The following PLEKHG1 variants were observed in gnomAD, a reference collection of about 807,000 sequenced individuals.
PLEKHG1 encodes pleckstrin homology and RhoGEF domain containing G1.
PLEKHG1 carries 44 observed loss-of-function variants against 100.8 expected under a neutral mutation model. The ratio of observed to expected loss-of-function variants is 0.44; its 90% CI spans 0.34 to 0.56. The LOEUF (loss-of-function observed/expected upper bound fraction) is 0.56, where lower values mean the gene tolerates loss of function less well. PLEKHG1 is among the 20% of genes least tolerant of loss of function. The pLI is 0.01. For missense variants in PLEKHG1, 1,545 were observed against 1,720.9 expected (o/e 0.90, Z 1.81); for synonymous variants, 640 against 662.5 (o/e 0.97, Z 0.52).
chr6:150,645,140 C>T (rs1778439056), intron 2 of PLEKHG1, among the ~76,000 whole-genome samples: 2 of 151,918 alleles, frequency 1.3e-5, no homozygotes, highest in Admixed American at 1.3e-4. Flanking sequence ...AGCAGTTAGA[C>T]CAAAAAATAG....
chr6:150,752,604 A>G (rs1020788198), intron 2 of PLEKHG1, among the ~76,000 whole-genome samples: 2 of 152,188 alleles, frequency 1.3e-5, no homozygotes, highest in East Asian at 1.9e-4. Flanking sequence ...TCATGTTGCA[A>G]CCTGCATCAG....
chr6:150,654,527 G>A (rs1425415750), intron 3 of PLEKHG1, among the ~76,000 whole-genome samples: 1 of 152,134 alleles, frequency 6.6e-6, no homozygotes, highest in East Asian at 1.9e-4. Flanking sequence ...GCCCATCCCA[G>A]GTCAGTTGCT....
chr6:150,720,437 GA>G (rs373613258), upstream of PLEKHG1, among the ~76,000 whole-genome samples: 39 of 152,038 alleles, frequency 2.6e-4, no homozygotes, highest in African/African-American at 8.9e-4. Context: ...GTTCTCCAAA[GA>G]AATGCATGTA....
chr6:150,735,233 G>A (rs1782503444), intron 2 of PLEKHG1, among the ~76,000 whole-genome samples: 1 of 151,022 alleles, frequency 6.6e-6, no homozygotes, highest in East Asian at 2.0e-4. Context: ...TGATCCTCCT[G>A]CCTCGGCCTC....
chr6:150,803,765 A>C (rs934002197), intron 6 of PLEKHG1, among the ~76,000 whole-genome samples: 7 of 152,178 alleles, frequency 4.6e-5, no homozygotes, highest in Admixed American at 6.6e-5. Context: ...AATTTTGTAA[A>C]GATAGTTTTC....
chr6:150,721,786 T>C (rs773622102), intron 1 of PLEKHG1, among the ~76,000 whole-genome samples: 4 of 152,204 alleles, frequency 2.6e-5, no homozygotes, highest in Non-Finnish European at 5.9e-5. Context: ...GAGGCGTGGA[T>C]TGTATTCAAT....
At chr6:150,639,510 G>A (rs756996821) in intron 2 of PLEKHG1, among the ~76,000 whole-genome samples, 16 of 151,346 alleles carry the variant, frequency 1.1e-4, no homozygotes, top group South Asian at 1.0e-3. Flanking sequence ...CTGTCTAGCT[G>A]TAATTTTATG....
intron 3 of PLEKHG1, among the ~76,000 whole-genome samples, chr6:150,714,345 G>C (rs1163683959): frequency 6.6e-6 from 1 of 152,188 alleles, no homozygotes; most frequent in African/African-American, 2.4e-5. Flanking sequence ...TCAAAGAAAG[G>C]AGTGACAAAT....
chr6:150,650,178 T>C (rs934399773), intron 2 of PLEKHG1, among the ~76,000 whole-genome samples: 1 of 151,936 alleles, frequency 6.6e-6, no homozygotes, highest in African/African-American at 2.4e-5. Flanking sequence ...TCTCTTGCAC[T>C]GATGGAAAGT....
At chr6:150,693,180 C>T (rs1409140664) in intron 3 of PLEKHG1, among the ~76,000 whole-genome samples, 6 of 152,050 alleles carry the variant, frequency 3.9e-5, no homozygotes, top group Non-Finnish European at 7.4e-5. Flanking sequence ...CCCAGCTACT[C>T]GGGAGGCTGA....
chr6:150,761,507 C>A (rs1221823129), intron 2 of PLEKHG1, among the ~76,000 whole-genome samples: 4 of 151,928 alleles, frequency 2.6e-5, no homozygotes, highest in Admixed American at 2.0e-4. Context: ...GGGTTTCAGG[C>A]TGGTCTCGAA....
rs147724080 is a variant in PLEKHG1, at chr6:150,774,873, TA to T, written c.512+6139del. Among the ~76,000 whole-genome samples, 873 of 152,148 alleles carry T rather than the reference TA, an allele frequency of 5.7e-3. 5 individuals are homozygous for T. Among genetic ancestry groups the T allele is most frequent in the African/African-American group, 0.02 (822 of 41,546 alleles). On this transcript the variant is annotated intron_variant, in intron 3 of 15. Coordinates refer to ENST00000358517, the Ensembl canonical transcript of PLEKHG1. ...AAAAGAATTTTTAAAAATTCTTTTT[TA>T]AAATTAAAAAAAATTTTTTTTCAGA...
At chr6:150,839,047 C>CA (rs1307368717) in intron 15 of PLEKHG1, among the ~76,000 whole-genome samples, 2 of 152,020 alleles carry the variant, frequency 1.3e-5, no homozygotes, top group South Asian at 2.1e-4. Flanking sequence ...CTGTCTGAGA[C>CA]AAAAAAAGAA....
Position 150,774,531 on chromosome 6 carries a change from A to ATTTT in PLEKHG1, c.512+5818_512+5821dup, listed in dbSNP as rs61521577. ...TCTATTTAGGCACTGATTAGTTTGA[A>ATTTT]TTTTTTTTTTTTTTTTTTTTTTTTT... On this transcript the variant is annotated intron_variant, in intron 3 of 15. Coordinates refer to ENST00000358517, the Ensembl canonical transcript of PLEKHG1. Among the ~76,000 whole-genome samples, 595 of 87,062 alleles carry ATTTT rather than the reference A, an allele frequency of 6.8e-3. 68 individuals carry two copies. The highest frequency in any genetic ancestry group is 0.022 in the African/African-American group (577 of 26,500). 57.1% of individuals were successfully genotyped at this position (87,062 alleles called of 152,430 possible). A position where few individuals can be genotyped will look rare whatever the true frequency, so the allele number is the denominator to read the frequency against.
At chr6:150,839,483 TA>T (rs1416500503) in intron 15 of PLEKHG1, among the ~76,000 whole-genome samples, 1 of 152,204 alleles carries the variant, frequency 6.6e-6, no homozygotes, top group African/African-American at 2.4e-5. Context: ...CTGACTTTCT[TA>T]CTTTTATGAT....
chr6:150,777,824 GT>G, intron 3 of PLEKHG1, among the ~76,000 whole-genome samples: 1 of 152,358 alleles, frequency 6.6e-6, no homozygotes, highest in South Asian at 2.1e-4. Flanking sequence ...TGCAATCCTG[GT>G]GCACATGTGC....
chr6:150,702,197 C>T (rs148425578), intron 3 of PLEKHG1, among the ~76,000 whole-genome samples: 6,513 of 152,244 alleles, frequency 0.043, 441 homozygotes, highest in African/African-American at 0.15. Context: ...GTAGGCTGGG[C>T]GCAGTGGCTC....
chr6:150,680,049 T>G (rs559229190), intron 3 of PLEKHG1, among the ~76,000 whole-genome samples: 1 of 152,154 alleles, frequency 6.6e-6, no homozygotes, highest in Non-Finnish European at 1.5e-5. Flanking sequence ...ACATACAGGT[T>G]GTGATCCTTA....
At chr6:150,798,584 C>A (rs1286076662) in intron 5 of PLEKHG1, among the ~76,000 whole-genome samples, 1 of 152,148 alleles carries the variant, frequency 6.6e-6, no homozygotes, top group Non-Finnish European at 1.5e-5. Context: ...GCAAACAATA[C>A]CCTTGCCTTC....
Sources: allele counts gnomAD v4.1 joint callset (sites outside exome capture counted in the v4.1 genomes callset), GRCh38; gene constraint gnomAD v4.1.1; transcripts MANE v1.5; gene names NCBI Gene and HGNC (gene_info 2026-07-23, HGNC 2026-07-21).